SPEN: variants seen among roughly 807,000 people sequenced by gnomAD.
The protein encoded by SPEN is msx2-interacting protein.
A neutral mutation model predicts 269.9 loss-of-function variants in SPEN; 18 were observed. The ratio of observed to expected loss-of-function variants is 0.07; its 90% CI spans 0.05 to 0.10. SPEN has a LOEUF of 0.10. Among genes scored for constraint, SPEN ranks in the 10% least tolerant of loss-of-function variants. The pLI, the probability that SPEN is intolerant of heterozygous loss-of-function variation, is 1.00. For missense variants in SPEN, 3,822 were observed against 4,631.2 expected (o/e 0.83, Z 5.07); for synonymous variants, 1,726 against 1,765.7 (o/e 0.98, Z 0.56).
intron 1 of SPEN, among the ~76,000 whole-genome samples, chr1:15,858,984 G>A (rs1399231923): frequency 6.6e-6 from 1 of 152,096 alleles, no homozygotes; most frequent in African/African-American, 2.4e-5. Flanking sequence ...TTGAAATAGT[G>A]TATAGCTATT....
chr1:15,913,347 T>C (rs963072575), intron 5 of SPEN, among the ~76,000 whole-genome samples: 1 of 152,168 alleles, frequency 6.6e-6, no homozygotes, highest in African/African-American at 2.4e-5. Context: ...ATTAAGACTT[T>C]GACTGGTTGT....
Position 15,933,122 on chromosome 1 carries a change from C to A in SPEN, c.6882C>A (p.Gly2294=). The A allele has an allele frequency of 6.2e-7, 1 of 1,614,170 alleles. No homozygotes were observed. The highest frequency in any genetic ancestry group is 8.5e-7 in the Non-Finnish European group (1 of 1,180,034). ...PPVNAPDPSA[G]PTDTKEARGN... is the part of the protein sequence containing the mutation. ...TCAATGCTCCTGACCCCTCAGCCGG[C>A]CCAACAGATACCAAGGAAGCCAGAG... is the stretch of plus-strand genomic sequence containing the variant. The change falls in exon 11 of 15, where the codon GGC becomes GGA. Residue 2294 remains glycine (G), a synonymous_variant. Coordinates refer to ENST00000375759, the MANE Select transcript of SPEN (RefSeq NM_015001.3). This position sits in a 1 kb window ranked among gnomAD's most constrained non-coding sequence, Gnocchi z 5.7.
rs146034209 is a variant in SPEN at position 15,913,281 on chromosome 1, A to G, written c.1243+1980A>G. Among the ~76,000 whole-genome samples the G allele has an allele frequency of 9.8e-5, 15 of 152,290 alleles. No homozygotes were observed. In the East Asian group the frequency reaches 1.7e-3, roughly 18 times the overall value. On this transcript the variant is annotated intron_variant, in intron 5 of 14. Transcript: ENST00000375759. ...TTCTTTTCCCATACATTGCATTACA[A>G]TCCCCTAAACATGAAATTACAAGTT...
In SPEN at chr1:15,848,302, G is replaced by A. The variant is rs2070295038; in HGVS notation, c.83+152G>A. Reference sequence around the variant, plus strand: ...TGGGACCTCGTCAGCCGCTCGGCCCGCGTCGCGGCGTTGGGCCTCGGGTGT... The same window carrying A: ...TGGGACCTCGTCAGCCGCTCGGCCCACGTCGCGGCGTTGGGCCTCGGGTGT... On this transcript the variant is annotated intron_variant, in intron 1 of 14. Transcript: ENST00000375759. The surrounding 1 kb of genome is among the most constrained non-coding windows in gnomAD (Gnocchi z 5.1). 2 of 418,972 alleles carry A rather than the reference G, an allele frequency of 4.8e-6. No homozygotes were observed. The highest frequency in any genetic ancestry group is 8.0e-6 in the Non-Finnish European group (2 of 250,744). 26.0% of individuals were successfully genotyped at this position (418,972 alleles called of 1,614,324 possible).
intron 3 of SPEN, among the ~76,000 whole-genome samples, chr1:15,892,432 A>G (rs1189366921): frequency 2.0e-5 from 3 of 152,238 alleles, no homozygotes; most frequent in Non-Finnish European, 2.9e-5. Context: ...CTGTAATGTC[A>G]CAAAATAATT....
chr1:15,871,755 G>A (rs1557738188), intron 1 of SPEN, among the ~76,000 whole-genome samples: 1 of 152,164 alleles, frequency 6.6e-6, no homozygotes, highest in Admixed American at 6.5e-5. Flanking sequence ...TAAGTAAGGA[G>A]TGTTTGAGTA....
chr1:15,900,895 A>G (rs2070892806), intron 3 of SPEN, among the ~76,000 whole-genome samples: 1 of 151,848 alleles, frequency 6.6e-6, no homozygotes, highest in African/African-American at 2.4e-5. Flanking sequence ...CCCCACTGTG[A>G]CAACAAAAAT....
intron 5 of SPEN, among the ~76,000 whole-genome samples, 196 bp downstream of exon 5, chr1:15,911,497 G>A (rs1205999383): frequency 6.6e-6 from 1 of 152,204 alleles, no homozygotes; most frequent in Non-Finnish European, 1.5e-5. Flanking sequence ...TTTGGTTAGG[G>A]AGGATAGATT....
intron 3 of SPEN, among the ~76,000 whole-genome samples, chr1:15,905,455 C>T (rs1404474063): frequency 1.3e-5 from 2 of 152,072 alleles, no homozygotes. Context: ...CTCCTGACCT[C>T]AGGTGATCCA....
chr1:15,934,927 C>G lies in SPEN; in HGVS notation c.8687C>G (p.Ser2896Cys). 1 of 1,614,096 alleles carries G rather than the reference C, an allele frequency of 6.2e-7. No homozygotes were observed. Among genetic ancestry groups the G allele is most frequent in the Admixed American group, 1.7e-5 (1 of 60,016 alleles). The part of the protein sequence containing the change: ...LVLTAQTYNA[S>C]PVISSVKADR... ...CTGACCGCCCAGACATATAATGCCT[C>G]TCCTGTGATTTCGTCTGTGAAGGCC... Residue 2896 changes from serine to cysteine, a missense_variant, in exon 11 of 15, where the codon TCT becomes TGT. Physicochemically the swap from Ser to Cys is moderately radical, Grantham distance 112. This residue lies in a region of SPEN where 329 missense variants were observed against 431.2 expected (regional missense o/e 0.76). Coordinates refer to ENST00000375759, the MANE Select transcript of SPEN (RefSeq NM_015001.3). The surrounding 1 kb of genome is among the most constrained non-coding windows in gnomAD (Gnocchi z 9.2).
intron 11 of SPEN, 32 bp downstream of exon 11, chr1:15,936,298 T>G: frequency 6.6e-7 from 1 of 1,513,078 alleles, no homozygotes; most frequent in East Asian, 2.3e-5. Flanking sequence ...CCACTGTCTG[T>G]TGGGCATGTG....
rs1247776831 is a variant in SPEN at position 15,940,054 on chromosome 1, T to G, written c.*627T>G. 4.4e-6 allele frequency: 1 copy of G among 225,716 alleles called. No homozygotes were observed. The highest frequency in any genetic ancestry group is 8.8e-6 in the Non-Finnish European group (1 of 113,480). 14.0% of individuals were successfully genotyped at this position (225,716 alleles called of 1,614,324 possible). ...CAGTTGAAGAGCAAACAGAAAGGTTTTCTCTTGGTGGGATATGCAGAACTT... is the reference window on the plus strand; with the variant it reads ...CAGTTGAAGAGCAAACAGAAAGGTTGTCTCTTGGTGGGATATGCAGAACTT... On this transcript the variant is annotated 3_prime_UTR_variant, in exon 15 of 15. Coordinates refer to ENST00000375759, the MANE Select transcript of SPEN (RefSeq NM_015001.3).
intron 1 of SPEN, among the ~76,000 whole-genome samples, chr1:15,868,142 TAAAA>T: frequency 6.7e-6 from 1 of 149,228 alleles, no homozygotes; most frequent in African/African-American, 2.4e-5. Flanking sequence ...CCCAGCTAAT[TAAAA>T]AAAAAATTAT....
intron 3 of SPEN, among the ~76,000 whole-genome samples, chr1:15,904,086 G>A (rs1457566699): frequency 6.6e-6 from 1 of 152,132 alleles, no homozygotes; most frequent in Non-Finnish European, 1.5e-5. Context: ...TGTCAATTTA[G>A]TAAGACTGAA....
At chr1:15,892,562 T>C (rs1173550816) in intron 3 of SPEN, among the ~76,000 whole-genome samples, 1 of 152,154 alleles carries the variant, frequency 6.6e-6, no homozygotes, top group Non-Finnish European at 1.5e-5. Flanking sequence ...TAGAAAAGCC[T>C]CTTGGGACTG....
At position 15,934,832 on chromosome 1, in the gene SPEN, G is replaced by A. The variant is rs772358107; in HGVS notation, c.8592G>A (p.Ser2864=). 3.7e-6 allele frequency: 6 copies of A among 1,614,146 alleles called. No individual in the cohort carries two copies. The highest frequency in any genetic ancestry group is 1.3e-5 in the African/African-American group (1 of 75,024). ...SQVKPDSVTA[S]QPPSKGPQAP... is the part of the protein sequence containing the mutation. The stretch of plus-strand genomic sequence containing the variant: ...TCAAACCTGATTCTGTCACAGCATC[G>A]CAGCCTCCATCCAAAGGCCCTCAAG... The change falls in exon 11 of 15, where the codon TCG becomes TCA. Residue 2864 remains serine (S), a synonymous_variant. Coordinates refer to ENST00000375759, the MANE Select transcript of SPEN (RefSeq NM_015001.3). This position sits in a 1 kb window ranked among gnomAD's most constrained non-coding sequence, Gnocchi z 9.2.
At chr1:15,908,685 A>G (rs957685818) in intron 3 of SPEN, among the ~76,000 whole-genome samples, 3 of 152,168 alleles carry the variant, frequency 2.0e-5, no homozygotes, top group Admixed American at 2.0e-4. Context: ...AAGTGCTGGC[A>G]TTACAGGCGT....
chr1:15,933,848 G>A lies in SPEN; in HGVS notation c.7608G>A (p.Lys2536=), dbSNP rs765480457. Residue 2536 remains lysine, a synonymous_variant, in exon 11 of 15, where the codon AAG becomes AAA. Transcript: ENST00000375759. The surrounding 1 kb of genome is among the most constrained non-coding windows in gnomAD (Gnocchi z 5.7). ...DVDTSSSTLR[K]ILMDPKYVSA... ...ACACCAGCTCCAGCACCCTGAGGAA[G>A]ATTCTCATGGACCCCAAGTATGTGT... 28 of 1,613,388 alleles carry A rather than the reference G, an allele frequency of 1.7e-5. No homozygotes were observed. Among genetic ancestry groups the A allele is most frequent in the Non-Finnish European group, 2.4e-5 (28 of 1,180,042 alleles).
chr1:15,898,171 CTTTGTG>C (rs1011893755), intron 3 of SPEN, among the ~76,000 whole-genome samples: 1 of 119,232 alleles, frequency 8.4e-6, no homozygotes, highest in African/African-American at 3.9e-5. Flanking sequence ...CTTAATTTAT[CTTTGTG>C]TGTGTGTGTG....
Sources: gnomAD v4.1 joint callset for allele counts (sites outside exome capture counted in the v4.1 genomes callset) on GRCh38, gnomAD v4.1.1 for gene constraint, gnomAD v4.1.1 regional missense constraint, Gnocchi (gnomAD v3.1) non-coding constraint, MANE v1.5 for transcripts, NCBI Gene and HGNC (gene_info 2026-07-23, HGNC 2026-07-21) for gene names.